The following CAMK4 variants were observed in gnomAD, a reference collection of about 807,000 sequenced individuals.
The protein encoded by CAMK4 is calcium/calmodulin dependent protein kinase IV.
CAMK4 carries 22 observed loss-of-function variants against 44.9 expected under a neutral mutation model. The ratio of observed to expected loss-of-function variants is 0.49; its 90% CI spans 0.35 to 0.70. The LOEUF (loss-of-function observed/expected upper bound fraction) is 0.70. CAMK4 is among the 30% of genes least tolerant of loss of function. The probability of loss-of-function intolerance (pLI) is 0.01; values close to 1 mark genes in which losing one functional copy is unlikely to be tolerated. For missense variants in CAMK4, 498 were observed against 586.8 expected (o/e 0.85, Z 1.56); for synonymous variants, 218 against 215.4 (o/e 1.01, Z -0.11).
intron 1 of CAMK4, among the ~76,000 whole-genome samples, chr5:111,286,727 A>G (rs1561386766): frequency 6.6e-6 from 1 of 152,142 alleles, no homozygotes; most frequent in Non-Finnish European, 1.5e-5. Context: ...TTTTAGTATT[A>G]TTTCCAATAG....
intron 5 of CAMK4, among the ~76,000 whole-genome samples, chr5:111,441,249 A>G (rs576099542): frequency 8.5e-5 from 13 of 152,328 alleles, no homozygotes; most frequent in African/African-American, 3.1e-4. Context: ...GGCAGCAAAT[A>G]TTGCATTTAT....
chr5:111,448,539 G>A (rs1754109110), intron 6 of CAMK4, among the ~76,000 whole-genome samples: 1 of 152,204 alleles, frequency 6.6e-6, no homozygotes, highest in Admixed American at 6.5e-5. Flanking sequence ...TGGGCGCGGG[G>A]GCTCACACCT....
chr5:111,344,408 A>G (rs1208829538), intron 2 of CAMK4, among the ~76,000 whole-genome samples: 2 of 98,572 alleles, frequency 2.0e-5, no homozygotes, highest in South Asian at 3.9e-4. Context: ...ATATATATAT[A>G]TATGTATATA....
intron 5 of CAMK4, among the ~76,000 whole-genome samples, chr5:111,419,013 G>A (rs1304283808): frequency 3.3e-5 from 5 of 152,038 alleles, no homozygotes; most frequent in Non-Finnish European, 4.4e-5. Flanking sequence ...CTGAGGAATC[G>A]CCACACTGAC....
At position 111,491,984 on chromosome 5, in the gene CAMK4, T is replaced by A. The variant is rs1220325632; in HGVS notation, c.*7518T>A. The A allele has an allele frequency of 6.6e-6, 1 of 152,008 alleles. No individual in the cohort carries two copies. Among genetic ancestry groups the A allele is most frequent in the Non-Finnish European group, 1.5e-5 (1 of 68,042 alleles). The allele number at this position is 152,008 out of a possible 1,614,324, so 9.4% of individuals were successfully genotyped here. On this transcript the variant is annotated 3_prime_UTR_variant, in exon 11 of 11. Transcript: ENST00000282356. ...AAAGCCATTTTCTAATCCCCACGCT[T>A]TCCTGAGTGTTACGTATTTTATTTC...
chr5:111,460,004 T>C (rs1754584058), intron 7 of CAMK4, among the ~76,000 whole-genome samples: 3 of 152,074 alleles, frequency 2.0e-5, no homozygotes, highest in African/African-American at 7.2e-5. Flanking sequence ...TCTATTATTA[T>C]ATATGTGGGG....
At chr5:111,347,133 A>G (rs1413464251) in intron 2 of CAMK4, among the ~76,000 whole-genome samples, 1 of 152,032 alleles carries the variant, frequency 6.6e-6, no homozygotes, top group Non-Finnish European at 1.5e-5. Context: ...ACAGTTGGTT[A>G]AGGAAGCAAT....
chr5:111,445,681 G>A (rs1580763817), intron 5 of CAMK4, among the ~76,000 whole-genome samples: 1 of 152,160 alleles, frequency 6.6e-6, no homozygotes, highest in South Asian at 2.1e-4. Flanking sequence ...TTCCACCTCG[G>A]CCCACCGAAT....
At chr5:111,442,343 G>T (rs900643205) in intron 5 of CAMK4, among the ~76,000 whole-genome samples, 1 of 151,798 alleles carries the variant, frequency 6.6e-6, no homozygotes, top group African/African-American at 2.4e-5. Flanking sequence ...AAAATACAAA[G>T]AAAATTAGCT....
intron 1 of CAMK4, among the ~76,000 whole-genome samples, chr5:111,242,995 C>T (rs1749073502): frequency 6.6e-6 from 1 of 152,190 alleles, no homozygotes; most frequent in South Asian, 2.1e-4. Context: ...GAGGTCCTGT[C>T]TGCCTCTACA....
chr5:111,476,127 A>G (rs1340836107), intron 8 of CAMK4, among the ~76,000 whole-genome samples: 1 of 151,862 alleles, frequency 6.6e-6, no homozygotes, highest in Non-Finnish European at 1.5e-5. Context: ...TTTTTTTTTA[A>G]TAAAGCCATG....
At chr5:111,359,273 A>ATTTTT (rs1750506242) in intron 2 of CAMK4, among the ~76,000 whole-genome samples, 1 of 35,572 alleles carries the variant, frequency 2.8e-5, no homozygotes, top group African/African-American at 6.4e-5. Context: ...CTGGTGTGAG[A>ATTTTT]TGGTATTTGA....
chr5:111,273,677 T>TTATATATATATA (rs1160351356), intron 1 of CAMK4, among the ~76,000 whole-genome samples: 46 of 41,104 alleles, frequency 1.1e-3, no homozygotes, highest in Non-Finnish European at 1.6e-3. Context: ...AAAAATGCAT[T>TTATATATATATA]TATATATATA....
intron 1 of CAMK4, among the ~76,000 whole-genome samples, chr5:111,322,709 T>A (rs1748712283): frequency 6.6e-6 from 1 of 151,868 alleles, no homozygotes; most frequent in Non-Finnish European, 1.5e-5. Context: ...GATGTTGGAA[T>A]TAGAAGATAA....
At chr5:111,264,433 C>T (rs150399532) in intron 1 of CAMK4, among the ~76,000 whole-genome samples, 6 of 152,296 alleles carry the variant, frequency 3.9e-5, no homozygotes, top group African/African-American at 1.2e-4. Context: ...AGGTAAAGAA[C>T]TCCTTGCATG....
At chr5:111,315,126 T>G (rs543075704) in intron 1 of CAMK4, among the ~76,000 whole-genome samples, 1 of 152,272 alleles carries the variant, frequency 6.6e-6, no homozygotes, top group Admixed American at 6.6e-5. Flanking sequence ...GAAGTGTGTG[T>G]GCATTTGGAT....
chr5:111,372,495 C>T (rs1334159037), intron 2 of CAMK4, among the ~76,000 whole-genome samples: 1 of 152,084 alleles, frequency 6.6e-6, no homozygotes, highest in Non-Finnish European at 1.5e-5. Flanking sequence ...GGCCATGTTT[C>T]ATGCCGTTTG....
chr5:111,270,677 G>A (rs1458740251), intron 1 of CAMK4, among the ~76,000 whole-genome samples: 5 of 152,118 alleles, frequency 3.3e-5, no homozygotes, highest in Admixed American at 1.3e-4. Context: ...ATACTCTATT[G>A]AAAGTATTCC....
chr5:111,314,530 C>CA (rs1229926732), intron 1 of CAMK4, among the ~76,000 whole-genome samples: 1 of 151,918 alleles, frequency 6.6e-6, no homozygotes, highest in Non-Finnish European at 1.5e-5. Flanking sequence ...AGAAAAGGAA[C>CA]AAAAATACTT....
Sources: allele counts gnomAD v4.1 joint callset (sites outside exome capture counted in the v4.1 genomes callset), GRCh38; gene constraint gnomAD v4.1.1; transcripts MANE v1.5; gene names NCBI Gene and HGNC (gene_info 2026-07-23, HGNC 2026-07-21).